ZCWPW2: variants seen among roughly 807,000 people sequenced by gnomAD.
ZCWPW2 encodes the protein zinc finger CW-type PWWP domain protein 2.
A neutral mutation model predicts 46.6 loss-of-function variants in ZCWPW2; 45 were observed. That is an observed-to-expected ratio of 0.96 (90% CI 0.76 to 1.24). The LOEUF (loss-of-function observed/expected upper bound fraction) is 1.24, where lower values mean the gene tolerates loss of function less well. Among genes scored for constraint, ZCWPW2 ranks in the 50% most tolerant of loss-of-function variants. The pLI, the probability that ZCWPW2 is intolerant of heterozygous loss-of-function variation, is 0.00. For missense variants in ZCWPW2, 429 were observed against 403.9 expected (o/e 1.06, Z -0.53); for synonymous variants, 152 against 137.1 (o/e 1.11, Z -0.76).
At chr3:28,478,305 A>T in intron 4 of ZCWPW2, 1 of 325,132 alleles carries the variant, frequency 3.1e-6, no homozygotes, top group Admixed American at 3.2e-5. Context: ...GTGCAGTGGC[A>T]CAATCTCGCA....
intron 1 of ZCWPW2, among the ~76,000 whole-genome samples, chr3:28,377,646 T>C (rs1292927890): frequency 6.6e-6 from 1 of 152,090 alleles, no homozygotes; most frequent in East Asian, 1.9e-4. Context: ...CAGGAAAAAG[T>C]AACTAAGCCG....
chr3:28,507,418 A>C (rs1700305311), intron 6 of ZCWPW2, among the ~76,000 whole-genome samples: 1 of 152,098 alleles, frequency 6.6e-6, no homozygotes, highest in South Asian at 2.1e-4. Flanking sequence ...GATGATACTT[A>C]ATAACAATAT....
intron 5 of ZCWPW2, among the ~76,000 whole-genome samples, chr3:28,481,667 TTGATGCTGAC>T (rs1179950848): frequency 6.6e-6 from 1 of 152,224 alleles, no homozygotes; most frequent in African/African-American, 2.4e-5. Context: ...GATCCGGACT[TTGATGCTGAC>T]TGAATTTTCA....
At chr3:28,357,735 G>A (rs1704794209) in intron 1 of ZCWPW2, among the ~76,000 whole-genome samples, 1 of 150,622 alleles carries the variant, frequency 6.6e-6, no homozygotes. Flanking sequence ...CAGATCATGG[G>A]AGTTTACCTC....
At chr3:28,409,872 T>C (rs956620444) in intron 2 of ZCWPW2, among the ~76,000 whole-genome samples, 1 of 152,056 alleles carries the variant, frequency 6.6e-6, no homozygotes, top group Non-Finnish European at 1.5e-5. Flanking sequence ...GTAAATGAAC[T>C]AAAATCACTG....
chr3:28,368,806 T>A (rs987544174), intron 1 of ZCWPW2, among the ~76,000 whole-genome samples: 1 of 152,244 alleles, frequency 6.6e-6, no homozygotes, highest in Non-Finnish European at 1.5e-5. Flanking sequence ...CAATCAGATG[T>A]AGATTTGGTC....
At chr3:28,432,360 C>A (rs1697295472) in intron 3 of ZCWPW2, among the ~76,000 whole-genome samples, 1 of 152,126 alleles carries the variant, frequency 6.6e-6, no homozygotes, top group Non-Finnish European at 1.5e-5. Context: ...TTATGCACAT[C>A]ATTGTCTAAA....
chr3:28,519,544 G>A lies in ZCWPW2; in HGVS notation c.785-1448G>A, dbSNP rs1700663649. ...GATTTTATTTAACATTATTTAATAA[G>A]TACTTTAGCAGAATTTAAAATTTTC... On this transcript the variant is annotated intron_variant, in intron 8 of 9. Coordinates refer to ENST00000383768, the MANE Select transcript of ZCWPW2 (RefSeq NM_001040432.4). 2.6e-5 allele frequency among the ~76,000 whole-genome samples: 4 copies of A among 152,270 alleles called. 1 individual carries two copies. Among genetic ancestry groups the A allele is most frequent in the Middle Eastern group, 3.4e-3 (1 of 294 alleles).
chr3:28,463,758 T>G (rs1698726011), intron 4 of ZCWPW2, among the ~76,000 whole-genome samples: 1 of 151,968 alleles, frequency 6.6e-6, no homozygotes, highest in Admixed American at 6.6e-5. Flanking sequence ...GGAGGATCCC[T>G]TGAGCTCAGG....
At chr3:28,479,413 ATATTT>A (rs1359052728) in intron 5 of ZCWPW2, among the ~76,000 whole-genome samples, 1 of 152,216 alleles carries the variant, frequency 6.6e-6, no homozygotes, top group Non-Finnish European at 1.5e-5. Context: ...AATTGTGATA[ATATTT>A]TAGGTTATTT....
chr3:28,471,236 T>A (rs1699030696), intron 4 of ZCWPW2, among the ~76,000 whole-genome samples: 1 of 152,110 alleles, frequency 6.6e-6, no homozygotes, highest in African/African-American at 2.4e-5. Flanking sequence ...GTGGAGGGAA[T>A]ACTTTCAAAC....
chr3:28,472,084 A>T (rs1049194641), intron 4 of ZCWPW2, among the ~76,000 whole-genome samples: 3 of 152,210 alleles, frequency 2.0e-5, no homozygotes, highest in African/African-American at 7.2e-5. Context: ...AGGACAGAAA[A>T]AAATGGAGAC....
At chr3:28,485,529 G>A (rs1699571688) in intron 5 of ZCWPW2, among the ~76,000 whole-genome samples, 2 of 152,130 alleles carry the variant, frequency 1.3e-5, no homozygotes. Flanking sequence ...ATTTCTCTCT[G>A]CAGTTCCATC....
At chr3:28,366,899 C>A (rs904832429) in intron 1 of ZCWPW2, among the ~76,000 whole-genome samples, 10 of 152,282 alleles carry the variant, frequency 6.6e-5, no homozygotes, top group African/African-American at 1.2e-4. Context: ...GGAATTTATC[C>A]ATTTCTTCTA....
intron 6 of ZCWPW2, among the ~76,000 whole-genome samples, chr3:28,501,939 C>G (rs748284097): frequency 5.9e-5 from 9 of 151,824 alleles, no homozygotes; most frequent in Non-Finnish European, 1.3e-4. Context: ...TTTGTAGAGA[C>G]AAGGTACTCC....
intron 2 of ZCWPW2, among the ~76,000 whole-genome samples, chr3:28,403,147 C>T (rs1331760018): frequency 6.6e-6 from 1 of 152,062 alleles, no homozygotes; most frequent in South Asian, 2.1e-4. Flanking sequence ...ACCTAGAGAA[C>T]CCTAAAGACT....
At chr3:28,352,323 A>G (rs1577158281) in intron 1 of ZCWPW2, among the ~76,000 whole-genome samples, 1 of 152,284 alleles carries the variant, frequency 6.6e-6, no homozygotes, top group East Asian at 1.9e-4. Flanking sequence ...CGGGGGGGTT[A>G]TATAGTTAAG....
chr3:28,520,990 A>G lies in ZCWPW2; in HGVS notation c.785-2A>G. On this transcript the variant is annotated splice_acceptor_variant, in intron 8 of 9. Coordinates refer to ENST00000383768, the MANE Select transcript of ZCWPW2 (RefSeq NM_001040432.4). LOFTEE classifies it high-confidence loss of function. ...TTTACTGTATTAATCCTGTTTTTTTAGTTGTCTGTGAGACGGAAGTTTTAC... is the reference window on the plus strand; with the variant it reads ...TTTACTGTATTAATCCTGTTTTTTTGGTTGTCTGTGAGACGGAAGTTTTAC... 1 of 1,613,200 alleles carries G rather than the reference A, an allele frequency of 6.2e-7. No homozygotes were observed. Among genetic ancestry groups the G allele is most frequent in the Non-Finnish European group, 8.5e-7 (1 of 1,179,610 alleles).
At chr3:28,442,382 T>C (rs758103826) in intron 4 of ZCWPW2, among the ~76,000 whole-genome samples, 1 of 152,148 alleles carries the variant, frequency 6.6e-6, no homozygotes, top group Non-Finnish European at 1.5e-5. Flanking sequence ...CAAGCAAATG[T>C]CTCACCAATA....
Sources: allele counts gnomAD v4.1 joint callset (sites outside exome capture counted in the v4.1 genomes callset), GRCh38; gene constraint gnomAD v4.1.1; transcripts MANE v1.5; gene names NCBI Gene and HGNC (gene_info 2026-07-23, HGNC 2026-07-21).